Variants in CEBPD observed in about 807,000 individuals in gnomAD.
CEBPD encodes the protein CCAAT/enhancer-binding protein delta.
For synonymous variants in CEBPD, 227 were observed against 194.8 expected (o/e 1.17, Z -1.38); for missense variants, 410 against 409.4 (o/e 1.00, Z -0.01).
In CEBPD at chr8:47,737,863, G is replaced by A. The variant is rs1235739138; in HGVS notation, c.258C>T (p.Phe86=). 2.0e-6 allele frequency: 3 copies of A among 1,505,672 alleles called. No homozygotes were observed. The highest frequency in any genetic ancestry group is 2.7e-6 in the Non-Finnish European group (3 of 1,124,114). The allele number at this position is 1,505,672 out of a possible 1,614,324, so 93.3% of individuals were successfully genotyped here. A position where few individuals can be genotyped will look rare whatever the true frequency, so the allele number is the denominator to read the frequency against. ...LCHDELFADL[F]NSNHKAGGAG... ...CGCCGCCCGCCTTGTGATTGCTGTT[G>A]AAGAGGTCGGCGAAGAGCTCGTCGT... The change falls in exon 1 of 1, where the codon TTC becomes TTT. Residue 86 remains phenylalanine, a synonymous_variant. Coordinates refer to ENST00000408965, the MANE Select transcript of CEBPD (RefSeq NM_005195.4).
chr8:47,737,230 C>T lies in CEBPD; in HGVS notation c.*81G>A, dbSNP rs1196414356. On this transcript the variant is annotated 3_prime_UTR_variant, in exon 1 of 1. Coordinates refer to ENST00000408965, the MANE Select transcript of CEBPD (RefSeq NM_005195.4). Reference sequence around the variant, plus strand: ...CGGGCACCCGGCGGCTCTGGCTGCGCCAGGGCAGGGCGCGCTCCGCTCCGG... The same window carrying T: ...CGGGCACCCGGCGGCTCTGGCTGCGTCAGGGCAGGGCGCGCTCCGCTCCGG... The T allele has an allele frequency of 1.2e-5, 16 of 1,345,766 alleles. No homozygotes were observed. Among genetic ancestry groups the T allele is most frequent in the Non-Finnish European group, 1.6e-5 (16 of 1,012,902 alleles). 83.4% of individuals were successfully genotyped at this position (1,345,766 alleles called of 1,614,324 possible). A position where few individuals can be genotyped will look rare whatever the true frequency, so the allele number is the denominator to read the frequency against.
chr8:47,738,163 C>T lies in CEBPD; in HGVS notation c.-43G>A, dbSNP rs1455002114. On this transcript the variant is annotated 5_prime_UTR_variant, in exon 1 of 1. Coordinates refer to ENST00000408965, the MANE Select transcript of CEBPD (RefSeq NM_005195.4). The surrounding 1 kb of genome is among the most constrained non-coding windows in gnomAD (Gnocchi z 4.1). ...CTCTGCGTCCAAGCGAGGCTGTCAC[C>T]TCGCTGGGCCCAGCCCCGCCGCCTT... 5 of 1,131,428 alleles carry T rather than the reference C, an allele frequency of 4.4e-6. No homozygotes were observed. The highest frequency in any genetic ancestry group is 5.5e-6 in the Non-Finnish European group (5 of 917,188). 70.1% of individuals were successfully genotyped at this position (1,131,428 alleles called of 1,614,324 possible).
chr8:47,737,166 TG>T lies in CEBPD; in HGVS notation c.*144del. ...CAGTTTAGTGGTGGTAAGTCCAGGC[TG>T]TAGCTTCTTTGCGCTCCTATGTCCC... On this transcript the variant is annotated 3_prime_UTR_variant, in exon 1 of 1. Coordinates refer to ENST00000408965, the MANE Select transcript of CEBPD (RefSeq NM_005195.4). 1 of 630,896 alleles carries T rather than the reference TG, an allele frequency of 1.6e-6. No homozygotes were observed. Among genetic ancestry groups the T allele is most frequent in the East Asian group, 3.3e-5 (1 of 30,458 alleles). The allele number at this position is 630,896 out of a possible 1,614,324, so 39.1% of individuals were successfully genotyped here. A position where few individuals can be genotyped will look rare whatever the true frequency, so the allele number is the denominator to read the frequency against.
chr8:47,737,644 C>T lies in CEBPD; in HGVS notation c.477G>A (p.Thr159=). 3.1e-6 allele frequency: 4 copies of T among 1,275,764 alleles called. No homozygotes were observed. The highest frequency in any genetic ancestry group is 3.9e-6 in the Non-Finnish European group (4 of 1,016,716). 79.0% of individuals were successfully genotyped at this position (1,275,764 alleles called of 1,614,324 possible). A position where few individuals can be genotyped will look rare whatever the true frequency, so the allele number is the denominator to read the frequency against. Residue 159 remains threonine (T), a synonymous_variant, in exon 1 of 1, where the codon ACG becomes ACA. Transcript: ENST00000408965. ...GGCTGCTGCGCGGCGGCTCCGGCGA[C>T]GTGGGCGGGGTGGGCTGCCCTGCGG... ...LAAAGQPTPP[T]SPEPPRSSPR... is the part of the protein sequence containing the mutation.
Position 47,737,028 on chromosome 8 carries a change from G to C in CEBPD, c.*283C>G. 5.2e-6 allele frequency: 2 copies of C among 387,710 alleles called. No individual in the cohort carries two copies. Among genetic ancestry groups the C allele is most frequent in the Non-Finnish European group, 9.1e-6 (2 of 218,878 alleles). 24.0% of individuals were successfully genotyped at this position (387,710 alleles called of 1,614,324 possible). On this transcript the variant is annotated 3_prime_UTR_variant, in exon 1 of 1. Transcript: ENST00000408965. ...ACAAAGGGTTTGTCTGAAAAGTCTG[G>C]TTTTTTTTCTTTTTACAAATGTACC... is the stretch of plus-strand genomic sequence containing the variant.
At position 47,737,204 on chromosome 8, in the gene CEBPD, G is replaced by A. The variant is rs1369992117; in HGVS notation, c.*107C>T. ...CGCTCCTATGTCCCAAGAAACTGCA[G>A]CGGGCACCCGGCGGCTCTGGCTGCG... On this transcript the variant is annotated 3_prime_UTR_variant, in exon 1 of 1. Transcript: ENST00000408965. 1 of 1,008,830 alleles carries A rather than the reference G, an allele frequency of 9.9e-7. No individual in the cohort carries two copies. The highest frequency in any genetic ancestry group is 1.4e-6 in the Non-Finnish European group (1 of 715,912). 62.5% of individuals were successfully genotyped at this position (1,008,830 alleles called of 1,614,324 possible).
Position 47,737,563 on chromosome 8 carries a change from G to A in CEBPD, c.558C>T (p.Gly186=), listed in dbSNP as rs2086274835. 4.5e-6 allele frequency: 7 copies of A among 1,565,958 alleles called. No homozygotes were observed. The South Asian group carries it at 5.8e-5, about 13-fold the overall frequency. ...GGTACTCGGGGCTGCCGCGGTCCGGGCCCCTCTTGCCGGCGCTCTTCTCCC... is the reference window on the plus strand; with the variant it reads ...GGTACTCGGGGCTGCCGCGGTCCGGACCCCTCTTGCCGGCGCTCTTCTCCC... ...PAREKSAGKR[G]PDRGSPEYRQ... Residue 186 remains glycine, a synonymous_variant, in exon 1 of 1, where the codon GGC becomes GGT. Transcript: ENST00000408965.
chr8:47,737,326 T>C lies in CEBPD; in HGVS notation c.795A>G (p.Thr265=), dbSNP rs760266535. The part of the protein sequence containing the change: ...PSPPFLPAAG[T]ADCR ...CGGCCGCGCGTTACCGGCAGTCTGC[T>C]GTCCCGGCGGCCGGCAGGAAGGGCG... is the stretch of plus-strand genomic sequence containing the variant. The change falls in exon 1 of 1, where the codon ACA becomes ACG. Residue 265 remains threonine, a synonymous_variant. Transcript: ENST00000408965. 11 of 1,594,688 alleles carry C rather than the reference T, an allele frequency of 6.9e-6. No individual in the cohort carries two copies. The highest frequency in any genetic ancestry group is 2.3e-5 in the East Asian group (1 of 43,162).
At position 47,737,396 on chromosome 8, in the gene CEBPD, C is replaced by T; in HGVS notation, c.725G>A (p.Arg242Gln). ...GAACTGCCGGAGGCCGGCCAGGTCC[C>T]GCGTGAGCTGCTCCACGCGCTGGTG... ...KLHQRVEQLT[R>Q]DLAGLRQFFK... The change falls in exon 1 of 1, where the codon CGG becomes CAG. Residue 242 changes from arginine (R) to glutamine (Q), a missense_variant. Arg to Gln is a conservative substitution (Grantham distance 43, BLOSUM62 1). Coordinates refer to ENST00000408965, the MANE Select transcript of CEBPD (RefSeq NM_005195.4). 6.2e-7 allele frequency: 1 copy of T among 1,602,192 alleles called. No homozygotes were observed.
chr8:47,738,051 A>C lies in CEBPD; in HGVS notation c.70T>G (p.Phe24Val). 1 of 1,269,854 alleles carries C rather than the reference A, an allele frequency of 7.9e-7. No individual in the cohort carries two copies. The highest frequency in any genetic ancestry group is 9.9e-7 in the Non-Finnish European group (1 of 1,008,836). 78.7% of individuals were successfully genotyped at this position (1,269,854 alleles called of 1,614,324 possible). The change falls in exon 1 of 1, where the codon TTC becomes GTC. Residue 24 changes from phenylalanine to valine, a missense_variant. Physicochemically the swap from Phe to Val is conservative, Grantham distance 50 (BLOSUM62 -1). Coordinates refer to ENST00000408965, the MANE Select transcript of CEBPD (RefSeq NM_005195.4). The surrounding 1 kb of genome is among the most constrained non-coding windows in gnomAD (Gnocchi z 4.1). ...GAPWPAEPAP[F>V]YEPGRAGKPG... ...TTGCCCGCCCGGCCCGGTTCGTAGAAGGGCGCAGGCTCCGCAGGCCAGGGC... is the reference window on the plus strand; with the variant it reads ...TTGCCCGCCCGGCCCGGTTCGTAGACGGGCGCAGGCTCCGCAGGCCAGGGC...
Position 47,737,958 on chromosome 8 carries a change from C to T in CEBPD, c.163G>A (p.Asp55Asn), listed in dbSNP as rs199808557. ...PGAAAPAMYDDESAIDFSAYI... is the reference protein window; with the variant it reads ...PGAAAPAMYDNESAIDFSAYI... Reference sequence around the variant, plus strand: ...GCGCTGAAGTCGATGGCGCTCTCGTCGTCGTACATGGCGGGGGCGGCGGCG... The same window carrying T: ...GCGCTGAAGTCGATGGCGCTCTCGTTGTCGTACATGGCGGGGGCGGCGGCG... The change falls in exon 1 of 1, where the codon GAC (aspartate) becomes AAC (asparagine). Residue 55 changes from aspartate (D) to asparagine (N), a missense_variant. Physicochemically the swap from Asp to Asn is conservative, Grantham distance 23. Transcript: ENST00000408965. 2,136 of 1,493,762 alleles carry T rather than the reference C, an allele frequency of 1.4e-3. 5 individuals carry two copies. Among genetic ancestry groups the T allele is most frequent in the Non-Finnish European group, 1.8e-3 (2,004 of 1,115,780 alleles). 92.5% of individuals were successfully genotyped at this position (1,493,762 alleles called of 1,614,324 possible).
Position 47,737,499 on chromosome 8 carries a change from T to C in CEBPD, c.622A>G (p.Ser208Gly). 1 of 1,608,186 alleles carries C rather than the reference T, an allele frequency of 6.2e-7. No homozygotes were observed. The highest frequency in any genetic ancestry group is 8.5e-7 in the Non-Finnish European group (1 of 1,178,898). ...RERNNIAVRK[S>G]RDKAKRRNQE... Reference sequence around the variant, plus strand: ...TTGCGCCGCTTGGCCTTGTCGCGGCTCTTGCGCACGGCGATGTTGTTGCGC... The same window carrying C: ...TTGCGCCGCTTGGCCTTGTCGCGGCCCTTGCGCACGGCGATGTTGTTGCGC... The change falls in exon 1 of 1, where the codon AGC (serine) becomes GGC (glycine). Residue 208 changes from serine to glycine, a missense_variant. By Grantham distance (56) the Ser-to-Gly change is moderately conservative. Coordinates refer to ENST00000408965, the MANE Select transcript of CEBPD (RefSeq NM_005195.4).
rs1350508678 is a variant in CEBPD at position 47,737,668 on chromosome 8, G to A, written c.453C>T (p.Ala151=). The A allele has an allele frequency of 8.0e-7, 1 of 1,246,082 alleles. No individual in the cohort carries two copies. The highest frequency in any genetic ancestry group is 1.0e-6 in the Non-Finnish European group (1 of 999,770). The allele number at this position is 1,246,082 out of a possible 1,614,324, so 77.2% of individuals were successfully genotyped here. ...ACGTGGGCGGGGTGGGCTGCCCTGC[G>A]GCCGCCAAGCTCACCACGGTCTGTG... ...ACAQTVVSLA[A]AGQPTPPTSP... is the part of the protein sequence containing the mutation. The change falls in exon 1 of 1, where the codon GCC becomes GCT. Residue 151 remains alanine (A), a synonymous_variant. Transcript: ENST00000408965.
Position 47,737,493 on chromosome 8 carries a change from C to T in CEBPD, c.628G>A (p.Asp210Asn). Residue 210 changes from aspartate (D) to asparagine (N), a missense_variant, in exon 1 of 1, where the codon GAC (aspartate) becomes AAC (asparagine). By Grantham distance (23) the Asp-to-Asn change is conservative. Coordinates refer to ENST00000408965, the MANE Select transcript of CEBPD (RefSeq NM_005195.4). ...TCCTGGTTGCGCCGCTTGGCCTTGT[C>T]GCGGCTCTTGCGCACGGCGATGTTG... ...RNNIAVRKSR[D>N]KAKRRNQEMQ... is the part of the protein sequence containing the mutation. The T allele has an allele frequency of 6.2e-7, 1 of 1,608,490 alleles. No individual in the cohort carries two copies. Among genetic ancestry groups the T allele is most frequent in the Non-Finnish European group, 8.5e-7 (1 of 1,178,996 alleles).
At position 47,737,048 on chromosome 8, in the gene CEBPD, T is replaced by G. The variant is rs2086262625; in HGVS notation, c.*263A>C. 3 of 408,082 alleles carry G rather than the reference T, an allele frequency of 7.4e-6. No homozygotes were observed. Among genetic ancestry groups the G allele is most frequent in the South Asian group, 1.5e-4 (2 of 13,250 alleles). 25.3% of individuals were successfully genotyped at this position (408,082 alleles called of 1,614,324 possible). On this transcript the variant is annotated 3_prime_UTR_variant, in exon 1 of 1. Coordinates refer to ENST00000408965, the MANE Select transcript of CEBPD (RefSeq NM_005195.4). ...GTCTGGTTTTTTTTCTTTTTACAAA[T>G]GTACCTTAGCTGCATCAACAGGAGT... is the stretch of plus-strand genomic sequence containing the variant.
In CEBPD at chr8:47,737,493, C is replaced by G. The variant is rs1274471352; in HGVS notation, c.628G>C (p.Asp210His). Residue 210 changes from aspartate (D) to histidine (H), a missense_variant, in exon 1 of 1, where the codon GAC becomes CAC. By Grantham distance (81) the Asp-to-His change is moderately conservative. Transcript: ENST00000408965. ...RNNIAVRKSR[D>H]KAKRRNQEMQ... ...TCCTGGTTGCGCCGCTTGGCCTTGT[C>G]GCGGCTCTTGCGCACGGCGATGTTG... 6.2e-7 allele frequency: 1 copy of G among 1,608,374 alleles called. No homozygotes were observed. Among genetic ancestry groups the G allele is most frequent in the Non-Finnish European group, 8.5e-7 (1 of 1,179,004 alleles).
Position 47,737,586 on chromosome 8 carries a change from C to T in CEBPD, c.535G>A (p.Glu179Lys), listed in dbSNP as rs1309209595. The T allele has an allele frequency of 1.2e-5, 18 of 1,508,618 alleles. No individual in the cohort carries two copies. The highest frequency in any genetic ancestry group is 2.4e-4 in the Middle Eastern group (1 of 4,218). The allele number at this position is 1,508,618 out of a possible 1,614,324, so 93.5% of individuals were successfully genotyped here. The change falls in exon 1 of 1, where the codon GAG (glutamate) becomes AAG (lysine). Residue 179 changes from glutamate (E) to lysine (K), a missense_variant. Transcript: ENST00000408965. ...GGGCCCCTCTTGCCGGCGCTCTTCT[C>T]CCGGGCGGGGCCGGGCGCGGGGGTC... ...RQTPAPGPAR[E>K]KSAGKRGPDR...
In CEBPD at chr8:47,737,891, C is replaced by A; in HGVS notation, c.230G>T (p.Cys77Phe). ...SMAAVPTLEL[C>F]HDELFADLFN... ...GAGGTCGGCGAAGAGCTCGTCGTGG[C>A]ACAGCTCCAGGGTGGGCACGGCGGC... The change falls in exon 1 of 1, where the codon TGC (cysteine) becomes TTC (phenylalanine). Residue 77 changes from cysteine to phenylalanine, a missense_variant. Cys to Phe is a radical substitution (Grantham distance 205). Coordinates refer to ENST00000408965, the MANE Select transcript of CEBPD (RefSeq NM_005195.4). 2.0e-6 allele frequency: 3 copies of A among 1,514,654 alleles called. No homozygotes were observed. Among genetic ancestry groups the A allele is most frequent in the Admixed American group, 4.0e-5 (2 of 49,634 alleles). 93.8% of individuals were successfully genotyped at this position (1,514,654 alleles called of 1,614,324 possible).
chr8:47,737,425 C>G lies in CEBPD; in HGVS notation c.696G>C (p.Lys232Asn). The G allele has an allele frequency of 6.2e-7, 1 of 1,606,688 alleles. No homozygotes were observed. The highest frequency in any genetic ancestry group is 8.5e-7 in the Non-Finnish European group (1 of 1,178,244). The change falls in exon 1 of 1, where the codon AAG becomes AAC. Residue 232 changes from lysine to asparagine, a missense_variant. Physicochemically the swap from Lys to Asn is moderately conservative, Grantham distance 94 (BLOSUM62 0). Transcript: ENST00000408965. ...TGAGCTGCTCCACGCGCTGGTGCAG[C>G]TTCTCGTTCTCAGCCGACAGCTCCA... ...KLVELSAENE[K>N]LHQRVEQLTR...
Sources: allele counts gnomAD v4.1 joint callset, GRCh38; gene constraint gnomAD v4.1.1; non-coding constraint Gnocchi (gnomAD v3.1); transcripts MANE v1.5; gene names NCBI Gene and HGNC (gene_info 2026-07-23, HGNC 2026-07-21).